Variants in ZC3H13 observed in about 807,000 individuals in gnomAD.
ZC3H13 encodes zinc finger CCCH domain-containing protein 13.
ZC3H13 carries 64 observed loss-of-function variants against 204.1 expected under a neutral mutation model. The observed-to-expected ratio is 0.31, with a 90% CI of 0.26 to 0.39. The LOEUF is 0.39. ZC3H13 is among the 10% of genes least tolerant of loss of function. The pLI, the probability that ZC3H13 is intolerant of heterozygous loss-of-function variation, is 1.00. For synonymous variants in ZC3H13, 667 were observed against 693.7 expected (o/e 0.96, Z 0.60); for missense variants, 1,833 against 2,082.7 (o/e 0.88, Z 2.33).
chr13:46,025,232 T>C (rs1202507085), intron 4 of ZC3H13, among the ~76,000 whole-genome samples: 1 of 152,228 alleles, frequency 6.6e-6, no homozygotes, highest in Non-Finnish European at 1.5e-5. Flanking sequence ...ATTCAATGTT[T>C]TACGCAAAAC....
intron 9 of ZC3H13, among the ~76,000 whole-genome samples, chr13:45,987,376 T>C (rs1004807777): frequency 2.0e-5 from 3 of 152,208 alleles, no homozygotes; most frequent in Non-Finnish European, 4.4e-5. Context: ...AATGGAGTTT[T>C]CATTCAATAA....
intron 10 of ZC3H13, among the ~76,000 whole-genome samples, chr13:45,981,117 A>G (rs1953551830): frequency 1.3e-5 from 2 of 152,216 alleles, no homozygotes; most frequent in South Asian, 4.1e-4. Context: ...AGTGAGGGTT[A>G]GGAGTAGAGA....
chr13:46,023,396 T>C (rs2138856623), intron 4 of ZC3H13, among the ~76,000 whole-genome samples: 1 of 152,320 alleles, frequency 6.6e-6, no homozygotes, highest in African/African-American at 2.4e-5. Flanking sequence ...TGATTGGGAA[T>C]AGTTCTAACC....
intron 5 of ZC3H13, among the ~76,000 whole-genome samples, chr13:46,018,320 G>GT (rs2042034219): frequency 6.6e-6 from 1 of 152,130 alleles, no homozygotes; most frequent in African/African-American, 2.4e-5. Flanking sequence ...AGGTGAAACA[G>GT]TATCAAGTAG....
intron 4 of ZC3H13, among the ~76,000 whole-genome samples, chr13:46,028,336 C>T (rs1409613976): frequency 6.6e-6 from 1 of 152,070 alleles, no homozygotes; most frequent in Admixed American, 6.6e-5. Flanking sequence ...GAGGCAAAAA[C>T]CGATAAAATT....
At chr13:46,011,245 T>C (rs977531189) in intron 6 of ZC3H13, among the ~76,000 whole-genome samples, 170 bp downstream of exon 6, 5 of 152,194 alleles carry the variant, frequency 3.3e-5, no homozygotes, top group Non-Finnish European at 7.3e-5. Flanking sequence ...ACTTATCTAA[T>C]AGAATAATGT....
chr13:46,007,883 G>T (rs984305531), intron 7 of ZC3H13, among the ~76,000 whole-genome samples: 2 of 152,042 alleles, frequency 1.3e-5, no homozygotes, highest in African/African-American at 4.8e-5. Flanking sequence ...TGTACAAAGA[G>T]CTATAAAGAA....
intron 5 of ZC3H13, among the ~76,000 whole-genome samples, chr13:46,018,101 G>A (rs2042018314): frequency 6.6e-6 from 1 of 152,110 alleles, no homozygotes; most frequent in African/African-American, 2.4e-5. Context: ...GCTTGAACAG[G>A]AAGATACAAA....
chr13:46,029,851 C>T (rs1210656591), intron 4 of ZC3H13, among the ~76,000 whole-genome samples: 1 of 152,006 alleles, frequency 6.6e-6, no homozygotes, highest in African/African-American at 2.4e-5. Context: ...AAATCCTTAT[C>T]AAAAATATTA....
At chr13:46,039,662 A>G (rs1166460226) in intron 4 of ZC3H13, among the ~76,000 whole-genome samples, 1 of 152,224 alleles carries the variant, frequency 6.6e-6, no homozygotes, top group Non-Finnish European at 1.5e-5. Context: ...GAATTCTGGA[A>G]GCCACTGTTA....
In ZC3H13 at chr13:45,959,651, C is replaced by A; in HGVS notation, c.4676-5G>T. ...GTTCAAAGAGATTGTCTGCATCTTT[C>A]AAAAAAAAGTAAACATGCATTAAGT... On this transcript the variant is annotated splice_region_variant and splice_polypyrimidine_tract_variant and intron_variant, in intron 17 of 18. Transcript: ENST00000679008. 3.3e-6 allele frequency: 5 copies of A among 1,493,114 alleles called. No individual in the cohort carries two copies. Among genetic ancestry groups the A allele is most frequent in the East Asian group, 2.6e-5 (1 of 38,588 alleles). 92.5% of individuals were successfully genotyped at this position (1,493,114 alleles called of 1,614,324 possible).
chr13:45,999,685 A>ACCT (rs573860322), intron 8 of ZC3H13, among the ~76,000 whole-genome samples: 1 of 152,126 alleles, frequency 6.6e-6, no homozygotes, highest in South Asian at 2.1e-4. Flanking sequence ...TAATATTTTG[A>ACCT]CCTCCTCCTG....
At chr13:46,016,347 G>C (rs537593225) in intron 5 of ZC3H13, among the ~76,000 whole-genome samples, 4 of 152,176 alleles carry the variant, frequency 2.6e-5, no homozygotes, top group African/African-American at 9.6e-5. Flanking sequence ...ATCAACAGTA[G>C]ACTAAATTAT....
rs544218037 is a variant in ZC3H13, at chr13:45,985,025, G to A, written c.1720+272C>T. Among the ~76,000 whole-genome samples the A allele has an allele frequency of 2.7e-4, 41 of 152,102 alleles. 1 individual carries two copies. The highest frequency in any genetic ancestry group is 2.2e-3 in the Admixed American group (33 of 15,294). On this transcript the variant is annotated intron_variant, in intron 10 of 18. Transcript: ENST00000679008. ...AACTTCCTCGTGATTCTACTTTTTT[G>A]TCTGATAGTGATTTTCTTAGTGTTC...
intron 11 of ZC3H13, among the ~76,000 whole-genome samples, chr13:45,977,847 A>G (rs1454986937): frequency 6.6e-6 from 1 of 152,136 alleles, no homozygotes; most frequent in Non-Finnish European, 1.5e-5. Context: ...TCTTGTAGGC[A>G]GTGAAAGGCA....
Position 46,044,982 on chromosome 13 carries a change from C to A in ZC3H13, c.200G>T (p.Gly67Val), listed in dbSNP as rs201457420. ...CRFVHGPSPR[G>V]KGYSSNYRRS... ...TCTATAATTGCTGCTATAACCTTTACCACGAGGTGAAGGGCCATGTACGAA... is the reference window on the plus strand; with the variant it reads ...TCTATAATTGCTGCTATAACCTTTAACACGAGGTGAAGGGCCATGTACGAA... The change falls in exon 3 of 19, where the codon GGT becomes GTT. Residue 67 changes from glycine to valine, a missense_variant. Around this residue, in one of 5 missense-constraint regions of ZC3H13, gnomAD observed 1,574 missense variants for 1,757.2 expected, o/e 0.90. Transcript: ENST00000679008. The A allele has an allele frequency of 1.9e-6, 3 of 1,613,016 alleles. No homozygotes were observed. In the South Asian group the frequency reaches 3.3e-5, roughly 18 times the overall value.
At chr13:45,978,965 T>A (rs894420041) in intron 11 of ZC3H13, among the ~76,000 whole-genome samples, 4 of 152,074 alleles carry the variant, frequency 2.6e-5, no homozygotes, top group Non-Finnish European at 5.9e-5. Flanking sequence ...CCTTAGAAAC[T>A]TTATTCTTCT....
intron 15 of ZC3H13, among the ~76,000 whole-genome samples, chr13:45,966,437 CATA>C (rs1952091470): frequency 6.6e-6 from 1 of 152,100 alleles, no homozygotes; most frequent in Non-Finnish European, 1.5e-5. Flanking sequence ...CATAAATGCA[CATA>C]ATAGGATTTT....
chr13:46,014,911 T>C (rs545006577), intron 5 of ZC3H13, among the ~76,000 whole-genome samples: 41 of 152,328 alleles, frequency 2.7e-4, no homozygotes, highest in African/African-American at 9.6e-4. Context: ...AAGCATTTCA[T>C]TAATATGATC....
Sources: allele counts gnomAD v4.1 joint callset (sites outside exome capture counted in the v4.1 genomes callset), GRCh38; gene constraint gnomAD v4.1.1; regional missense constraint gnomAD v4.1.1; transcripts MANE v1.5; gene names NCBI Gene and HGNC (gene_info 2026-07-23, HGNC 2026-07-21).